The following NOCT variants were observed in gnomAD, a reference collection of about 807,000 sequenced individuals.
NOCT encodes nocturnin, also known as CCR4 carbon catabolite repression 4-like.
A neutral mutation model predicts 35.0 loss-of-function variants in NOCT; 18 were observed. The observed-to-expected ratio is 0.51, with a 90% CI of 0.36 to 0.76. NOCT has a LOEUF of 0.76. NOCT is among the 30% of genes least tolerant of loss of function. The probability of loss-of-function intolerance (pLI) is 0.01; values close to 1 mark genes in which losing one functional copy is unlikely to be tolerated. For synonymous variants in NOCT, 235 were observed against 226.3 expected (o/e 1.04, Z -0.34); for missense variants, 479 against 541.0 (o/e 0.89, Z 1.14).
chr4:139,016,910 C>A (rs1726319210), intron 1 of NOCT, among the ~76,000 whole-genome samples: 1 of 151,074 alleles, frequency 6.6e-6, no homozygotes, highest in Non-Finnish European at 1.5e-5. Flanking sequence ...GCCTCAGCCT[C>A]CCAGAGTGCT....
chr4:139,018,980 G>T (rs1294452144), intron 1 of NOCT, among the ~76,000 whole-genome samples: 1 of 152,144 alleles, frequency 6.6e-6, no homozygotes, highest in Non-Finnish European at 1.5e-5. Flanking sequence ...TGAGAGAAGA[G>T]GCACTTTGCA....
intron 1 of NOCT, among the ~76,000 whole-genome samples, chr4:139,038,216 T>C (rs568370793): frequency 6.6e-6 from 1 of 151,936 alleles, no homozygotes; most frequent in East Asian, 1.9e-4. Context: ...AATAAATAAA[T>C]AAATAAATTT....
At chr4:139,024,809 G>A (rs1726482550) in intron 1 of NOCT, among the ~76,000 whole-genome samples, 1 of 152,162 alleles carries the variant, frequency 6.6e-6, no homozygotes, top group Admixed American at 6.5e-5. Flanking sequence ...TCCCCGTGTT[G>A]GCCAGGCTGG....
chr4:139,029,827 ATTGT>A (rs1578628411), intron 1 of NOCT, among the ~76,000 whole-genome samples: 1 of 152,110 alleles, frequency 6.6e-6, no homozygotes, highest in African/African-American at 2.4e-5. Flanking sequence ...GACGTGTCAC[ATTGT>A]TTGAGTTTTG....
chr4:139,038,979 A>G (rs1468854623), intron 1 of NOCT, among the ~76,000 whole-genome samples: 7 of 152,086 alleles, frequency 4.6e-5, no homozygotes, highest in African/African-American at 7.2e-5. Context: ...TGGGCCAAAA[A>G]TGGTCCTGTT....
chr4:139,035,203 T>G (rs1356360382), intron 1 of NOCT, among the ~76,000 whole-genome samples: 2 of 152,138 alleles, frequency 1.3e-5, no homozygotes, highest in Non-Finnish European at 2.9e-5. Flanking sequence ...CACAGCTCAC[T>G]GCAGCCTCAA....
At position 139,043,117 on chromosome 4, in the gene NOCT, C is replaced by T. The variant is rs201273091; in HGVS notation, c.234C>T (p.Leu78=). The T allele has an allele frequency of 1.5e-5, 25 of 1,613,592 alleles. 1 individual carries two copies. The highest frequency in any genetic ancestry group is 1.6e-4 in the Middle Eastern group (1 of 6,082). Residue 78 remains leucine, a synonymous_variant, in exon 2 of 3, where the codon CTC becomes CTT. Coordinates refer to ENST00000280614, the MANE Select transcript of NOCT (RefSeq NM_012118.4). ...GTACAAGCAGACTCTATAGTGCTCT[C>T]GCCAAGACACTGAACAGCAGCGCTG... ...GTGTSRLYSA[L]AKTLNSSAAS... is the part of the protein sequence containing the mutation.
At chr4:139,025,230 G>T (rs546048672) in intron 1 of NOCT, among the ~76,000 whole-genome samples, 103 of 152,214 alleles carry the variant, frequency 6.8e-4, no homozygotes, top group Admixed American at 2.0e-3. Flanking sequence ...TGAGAGAGGG[G>T]ACACATGTAA....
At chr4:139,038,592 C>G (rs1041085922) in intron 1 of NOCT, among the ~76,000 whole-genome samples, 6 of 152,170 alleles carry the variant, frequency 3.9e-5, no homozygotes, top group African/African-American at 7.2e-5. Context: ...ATATACACAG[C>G]AGTCTCAGAG....
intron 1 of NOCT, among the ~76,000 whole-genome samples, chr4:139,017,922 G>A (rs992937635): frequency 6.6e-6 from 1 of 152,150 alleles, no homozygotes; most frequent in Non-Finnish European, 1.5e-5. Context: ...TCCCAATCTA[G>A]TATCAAACTC....
intron 1 of NOCT, among the ~76,000 whole-genome samples, chr4:139,035,289 A>G (rs1726710861): frequency 6.6e-6 from 1 of 151,934 alleles, no homozygotes. Flanking sequence ...CACCTGGTTA[A>G]TTTGTTTTTG....
intron 1 of NOCT, among the ~76,000 whole-genome samples, chr4:139,024,730 C>A (rs1726481608): frequency 6.6e-6 from 1 of 152,068 alleles, no homozygotes; most frequent in South Asian, 2.1e-4. Flanking sequence ...TAGCTGGGAC[C>A]ACAGGCATGC....
In NOCT at chr4:139,043,064, T is replaced by C; in HGVS notation, c.191-10T>C. 1 of 1,580,352 alleles carries C rather than the reference T, an allele frequency of 6.3e-7. No individual in the cohort carries two copies. The highest frequency in any genetic ancestry group is 1.3e-5 in the African/African-American group (1 of 74,204). The stretch of plus-strand genomic sequence containing the variant: ...AGCTGAGTGTGTAACTGTGATTTCC[T>C]TTTCCGTAGTGTGTTCCATGGGAAC... On this transcript the variant is annotated splice_polypyrimidine_tract_variant and intron_variant, in intron 1 of 2. Coordinates refer to ENST00000280614, the MANE Select transcript of NOCT (RefSeq NM_012118.4).
intron 1 of NOCT, among the ~76,000 whole-genome samples, chr4:139,022,792 G>A (rs2148642628): frequency 6.6e-6 from 1 of 152,276 alleles, no homozygotes; most frequent in Non-Finnish European, 1.5e-5. Flanking sequence ...ATGAAAATAA[G>A]TGCTTAGAAG....
At chr4:139,043,479 G>T in intron 2 of NOCT, 136 bp downstream of exon 2, 1 of 788,832 alleles carries the variant, frequency 1.3e-6, no homozygotes, top group Non-Finnish European at 2.1e-6. Flanking sequence ...AGCATGGAGA[G>T]CTCCTAGAAG....
At chr4:139,042,153 C>A (rs1726844753) in intron 1 of NOCT, among the ~76,000 whole-genome samples, 2 of 148,760 alleles carry the variant, frequency 1.3e-5, no homozygotes, top group African/African-American at 2.5e-5. Flanking sequence ...CTGCAACCAC[C>A]ATCTCCCTGG....
Position 139,015,877 on chromosome 4 carries a change from A to G in NOCT, c.-105A>G, listed in dbSNP as rs1180140386. On this transcript the variant is annotated 5_prime_UTR_variant, in exon 1 of 3. Transcript: ENST00000280614. ...GCCGCGCGAGAAGGAGCCTGGGAGC[A>G]TCCGCCCACACTGCCCGGACAGTCG... The G allele has an allele frequency of 2.2e-6, 2 of 916,094 alleles. No individual in the cohort carries two copies. The highest frequency in any genetic ancestry group is 3.8e-5 in the South Asian group (1 of 26,488). 56.7% of individuals were successfully genotyped at this position (916,094 alleles called of 1,614,324 possible).
At chr4:139,033,409 G>A (rs1025626520) in intron 1 of NOCT, among the ~76,000 whole-genome samples, 1 of 151,684 alleles carries the variant, frequency 6.6e-6, no homozygotes, top group African/African-American at 2.4e-5. Context: ...GGTGGCTAAT[G>A]CCTGTAATCC....
At chr4:139,044,137 T>A (rs1726892442) in intron 2 of NOCT, among the ~76,000 whole-genome samples, 1 of 151,204 alleles carries the variant, frequency 6.6e-6, no homozygotes, top group Non-Finnish European at 1.5e-5. Flanking sequence ...GCCTGATTTT[T>A]TTTTTTCCTG....
Sources: allele counts gnomAD v4.1 joint callset (sites outside exome capture counted in the v4.1 genomes callset), GRCh38; gene constraint gnomAD v4.1.1; transcripts MANE v1.5; gene names NCBI Gene and HGNC (gene_info 2026-07-23, HGNC 2026-07-21).